OR1L8: variants seen among roughly 807,000 people sequenced by gnomAD.
OR1L8 encodes the protein olfactory receptor 1L8.
For missense variants in OR1L8, 330 were observed against 377.4 expected (o/e 0.87, Z 1.04); for synonymous variants, 148 against 147.0 (o/e 1.01, Z -0.05).
intron 4 of OR1L8, among the ~76,000 whole-genome samples, chr9:122,571,223 A>G (rs1422167733): frequency 2.0e-5 from 3 of 152,108 alleles, no homozygotes; most frequent in Non-Finnish European, 2.9e-5. Flanking sequence ...AAGCTTGAAC[A>G]CTAATGAGGG....
chr9:122,575,439 T>G (rs1273122364), intron 3 of OR1L8, among the ~76,000 whole-genome samples: 1 of 152,164 alleles, frequency 6.6e-6, no homozygotes, highest in African/African-American at 2.4e-5. Context: ...TATCATGTCT[T>G]TCAAAGAATT....
the OR1L8 span, among the ~76,000 whole-genome samples, chr9:122,551,466 G>A: frequency 1.3e-5 from 2 of 152,106 alleles, no homozygotes; most frequent in Non-Finnish European, 2.9e-5. Context: ...TAAGGAAATC[G>A]CCAGCAGAAA....
the OR1L8 span, among the ~76,000 whole-genome samples, chr9:122,546,617 G>A: frequency 2.0e-5 from 3 of 152,070 alleles, no homozygotes; most frequent in African/African-American, 7.2e-5. Flanking sequence ...AAAAGTAAAA[G>A]CAGATCCTCT....
intron 3 of OR1L8, among the ~76,000 whole-genome samples, chr9:122,576,378 C>G (rs10985709): frequency 6.7e-6 from 1 of 150,316 alleles, no homozygotes; most frequent in Admixed American, 6.6e-5. Flanking sequence ...TGAGCCACCA[C>G]GCCCAGCTAA....
chr9:122,551,441 C>T, the OR1L8 span, among the ~76,000 whole-genome samples: 115,546 of 152,138 alleles, frequency 0.76, 44,471 homozygotes, highest in East Asian at 1. Flanking sequence ...TTGTTTCCAT[C>T]AGGATTATTC....
chr9:122,546,744 T>A, the OR1L8 span, among the ~76,000 whole-genome samples: 1 of 152,208 alleles, frequency 6.6e-6, no homozygotes, highest in Non-Finnish European at 1.5e-5. Flanking sequence ...AAAGTACTTT[T>A]GTGTGTAAGA....
At chr9:122,564,050 C>A (rs955459543), downstream of OR1L8, among the ~76,000 whole-genome samples, 1 of 152,166 alleles carries the variant, frequency 6.6e-6, no homozygotes, top group African/African-American at 2.4e-5. Flanking sequence ...TGCCTCCTGT[C>A]ATTTCCCAAG....
At chr9:122,552,767 T>TGTGTGC in the OR1L8 span, among the ~76,000 whole-genome samples, 3 of 90,758 alleles carry the variant, frequency 3.3e-5, no homozygotes, top group Non-Finnish European at 8.0e-5. Flanking sequence ...TGTGTGTGTG[T>TGTGTGC]GTGTGTGTGT....
chr9:122,562,724 A>C (rs895912727), downstream of OR1L8, among the ~76,000 whole-genome samples: 1 of 152,090 alleles, frequency 6.6e-6, no homozygotes, highest in Non-Finnish European at 1.5e-5. Flanking sequence ...TGTTTTCTGA[A>C]TTCAACTTTT....
chr9:122,553,016 C>T, the OR1L8 span: 1 of 655,568 alleles, frequency 1.5e-6, no homozygotes, highest in Non-Finnish European at 2.7e-6. Flanking sequence ...TAACTGTTCT[C>T]TAAATGTCTC....
At chr9:122,553,806 G>A in the OR1L8 span, 3 of 1,613,866 alleles carry the variant, frequency 1.9e-6, no homozygotes, top group East Asian at 2.2e-5. Flanking sequence ...CCATGTAAAC[G>A]AGCTGATGAT....
At chr9:122,554,293 A>C in the OR1L8 span, 1 of 671,780 alleles carries the variant, frequency 1.5e-6, no homozygotes, top group African/African-American at 1.8e-5. Context: ...GGATGTAAAA[A>C]AAAAAAAAAG....
Position 122,567,723 on chromosome 9 carries a change from A to T in OR1L8, c.755T>A (p.Phe252Tyr). The T allele has an allele frequency of 2.5e-6, 4 of 1,614,076 alleles. No individual in the cohort carries two copies. Among genetic ancestry groups the T allele is most frequent in the Non-Finnish European group, 3.4e-6 (4 of 1,180,010 alleles). The change falls in exon 5 of 5, where the codon TTT (phenylalanine) becomes TAT (tyrosine). Residue 252 changes from phenylalanine (F) to tyrosine (Y), a missense_variant. Phe to Tyr is a conservative substitution (Grantham distance 22). Coordinates refer to ENST00000641027, the MANE Select transcript of OR1L8 (RefSeq NM_001004454.2). Reference sequence around the variant, plus strand: ...ATAGACACAGAAGATGCTTCCATAAAAGAGCGTCACCACGGTGAGGTAAAA... The same window carrying T: ...ATAGACACAGAAGATGCTTCCATAATAGAGCGTCACCACGGTGAGGTAAAA... Reference protein sequence around the residue: ...CGFYLTVVTLFYGSIFCVYLQ... With the variant: ...CGFYLTVVTLYYGSIFCVYLQ...
At chr9:122,548,684 G>GTAATGTA in the OR1L8 span, among the ~76,000 whole-genome samples, 1,187 of 151,778 alleles carry the variant, frequency 7.8e-3, 8 homozygotes, top group Non-Finnish European at 0.013. Context: ...ATGTTGGTGT[G>GTAATGTA]CTGCACCCAT....
chr9:122,576,621 T>G, intron 3 of OR1L8, 145 bp downstream of exon 3: 1 of 152,150 alleles, frequency 6.6e-6, no homozygotes, highest in Non-Finnish European at 1.5e-5. Context: ...ATCTTCACTG[T>G]GAGAACCAGG....
At chr9:122,565,449 C>T (rs2900206), downstream of OR1L8, among the ~76,000 whole-genome samples, 47,222 of 152,078 alleles carry the variant, frequency 0.31, 8,221 homozygotes, top group East Asian at 0.81. Context: ...ATGGCCATGG[C>T]GGCAGGGATG....
At chr9:122,556,388 C>G in the OR1L8 span, among the ~76,000 whole-genome samples, 3 of 151,736 alleles carry the variant, frequency 2.0e-5, no homozygotes, top group Non-Finnish European at 4.4e-5. Context: ...TCAGTTGACT[C>G]TACTTATGTG....
chr9:122,550,423 A>G, the OR1L8 span, among the ~76,000 whole-genome samples: 2 of 152,184 alleles, frequency 1.3e-5, no homozygotes, highest in Non-Finnish European at 2.9e-5. Flanking sequence ...CCTGGATATC[A>G]AAGCTAGATA....
chr9:122,564,879 T>C (rs28887482), downstream of OR1L8, among the ~76,000 whole-genome samples: 37,211 of 152,190 alleles, frequency 0.24, 4,910 homozygotes, highest in Middle Eastern at 0.34. Context: ...CATAATCAAG[T>C]TCACAGAATT....
Sources: allele counts gnomAD v4.1 joint callset (sites outside exome capture counted in the v4.1 genomes callset), GRCh38; gene constraint gnomAD v4.1.1; transcripts MANE v1.5; gene names NCBI Gene and HGNC (gene_info 2026-07-23, HGNC 2026-07-21).